CCDC30: variants seen among roughly 807,000 people sequenced by gnomAD.
CCDC30 encodes the protein coiled-coil domain-containing protein 30.
In CCDC30, 70 loss-of-function variants were observed where a neutral mutation model predicts 100.2. The observed-to-expected ratio is 0.70, with a 90% CI of 0.58 to 0.85. The LOEUF is 0.85. Among genes scored for constraint, CCDC30 ranks in the 40% least tolerant of loss-of-function variants. The pLI, the probability that CCDC30 is intolerant of heterozygous loss-of-function variation, is 0.00. For synonymous variants in CCDC30, 233 were observed against 269.5 expected (o/e 0.86, Z 1.33); for missense variants, 652 against 771.2 (o/e 0.85, Z 1.83).
At chr1:42,656,487 C>T (rs560997992), downstream of CCDC30, among the ~76,000 whole-genome samples, 25 of 152,122 alleles carry the variant, frequency 1.6e-4, no homozygotes, top group African/African-American at 5.3e-4. Flanking sequence ...AAAAATTAGC[C>T]GGGTATGGTG....
At chr1:42,542,068 T>A (rs1422526105) in intron 6 of CCDC30, among the ~76,000 whole-genome samples, 1 of 152,230 alleles carries the variant, frequency 6.6e-6, no homozygotes. Context: ...GCTTAATTCT[T>A]ATGCTACTTA....
At chr1:42,610,627 A>G (rs1646600287) in intron 10 of CCDC30, among the ~76,000 whole-genome samples, 1 of 151,992 alleles carries the variant, frequency 6.6e-6, no homozygotes, top group Admixed American at 6.6e-5. Flanking sequence ...GTTTTACCAT[A>G]TTGCCCAGCC....
chr1:42,582,264 CAAGGT>C (rs2148594129), intron 9 of CCDC30, among the ~76,000 whole-genome samples: 1 of 152,232 alleles, frequency 6.6e-6, no homozygotes, highest in Non-Finnish European at 1.5e-5. Flanking sequence ...TAAGCTCCAT[CAAGGT>C]CAAGGCACTT....
chr1:42,628,674 G>A (rs893231540), intron 11 of CCDC30, among the ~76,000 whole-genome samples: 10 of 152,052 alleles, frequency 6.6e-5, no homozygotes, highest in African/African-American at 2.4e-4. Flanking sequence ...TGCTGCTTTT[G>A]CCTCTTCCCC....
At chr1:42,541,762 G>T (rs573630808) in intron 6 of CCDC30, among the ~76,000 whole-genome samples, 2 of 152,232 alleles carry the variant, frequency 1.3e-5, no homozygotes, top group South Asian at 4.1e-4. Context: ...TTATATTCTA[G>T]TTTTTCTTCA....
intron 6 of CCDC30, 31 bp from the exon 8 acceptor site, chr1:42,539,142 A>G (rs1431771097): frequency 1.4e-6 from 2 of 1,470,412 alleles, no homozygotes; most frequent in South Asian, 1.4e-5. Flanking sequence ...GTCTTATTTT[A>G]TTCTACTAAA....
chr1:42,503,717 CTT>C (rs1557810879), intron 6 of CCDC30, among the ~76,000 whole-genome samples: 1 of 152,174 alleles, frequency 6.6e-6, no homozygotes, highest in East Asian at 1.9e-4. Flanking sequence ...ACAGGCTGCT[CTT>C]TGTTAGAGAA....
chr1:42,520,634 C>CTTTTTTTT (rs1181298704), intron 6 of CCDC30, among the ~76,000 whole-genome samples: 13 of 64,784 alleles, frequency 2.0e-4, no homozygotes, highest in East Asian at 5.4e-4. Context: ...CCGGCCTCAT[C>CTTTTTTTT]TTTTTTTTTT....
intron 11 of CCDC30, among the ~76,000 whole-genome samples, chr1:42,621,538 C>G (rs971666156): frequency 2.3e-5 from 3 of 133,238 alleles, no homozygotes; most frequent in Non-Finnish European, 3.4e-5. Context: ...TTGAGATGGA[C>G]TCTCGCTCTG....
intron 13 of CCDC30, 61 bp from the exon 18 acceptor site, chr1:42,644,632 T>C (rs1647726983): frequency 3.0e-6 from 3 of 998,892 alleles, no homozygotes; most frequent in Admixed American, 1.7e-5. Flanking sequence ...GGATGTAGTT[T>C]TGGGTTTTTA....
At chr1:42,502,258 G>GAC (rs1353412788) in intron 6 of CCDC30, among the ~76,000 whole-genome samples, 224 of 147,326 alleles carry the variant, frequency 1.5e-3, no homozygotes, top group African/African-American at 6.0e-3. Context: ...CTCCGAGCCG[G>GAC]GCGTGGGACC....
intron 11 of CCDC30, among the ~76,000 whole-genome samples, chr1:42,632,617 G>A (rs553627895): frequency 2.0e-4 from 31 of 151,390 alleles, no homozygotes; most frequent in African/African-American, 7.0e-4. Context: ...AAAATTAGCC[G>A]GGCGTGATGG....
At chr1:42,507,411 A>G (rs979850654) in intron 6 of CCDC30, among the ~76,000 whole-genome samples, 6 of 152,160 alleles carry the variant, frequency 3.9e-5, no homozygotes, top group African/African-American at 1.4e-4. Context: ...ACCCTTTTGA[A>G]TTTAGTTAAG....
intron 11 of CCDC30, among the ~76,000 whole-genome samples, chr1:42,618,991 G>T (rs1570266582): frequency 6.6e-6 from 1 of 152,084 alleles, no homozygotes; most frequent in Non-Finnish European, 1.5e-5. Context: ...GAACTTACAT[G>T]GCCTCATATA....
intron 1 of CCDC30, among the ~76,000 whole-genome samples, chr1:42,470,626 T>C (rs1430577839): frequency 6.6e-6 from 1 of 152,200 alleles, no homozygotes; most frequent in African/African-American, 2.4e-5. Flanking sequence ...TATTATTCAA[T>C]CTTAAATGAA....
At chr1:42,565,739 A>ATGTGTG (rs149539237) in intron 6 of CCDC30, among the ~76,000 whole-genome samples, 7 of 151,262 alleles carry the variant, frequency 4.6e-5, no homozygotes, top group African/African-American at 1.7e-4. Context: ...TGCAGAAGTG[A>ATGTGTG]TGTGTGTGTG....
intron 10 of CCDC30, among the ~76,000 whole-genome samples, chr1:42,604,935 T>C (rs995658659): frequency 2.0e-5 from 3 of 152,212 alleles, no homozygotes; most frequent in Non-Finnish European, 4.4e-5. Context: ...AGGGGTTCTA[T>C]TTATTTATTT....
chr1:42,523,952 T>C (rs1018837728), intron 6 of CCDC30, among the ~76,000 whole-genome samples: 1 of 152,196 alleles, frequency 6.6e-6, no homozygotes, highest in East Asian at 1.9e-4. Flanking sequence ...AGGTTTTCTA[T>C]CTCTTTACTG....
chr1:42,572,098 A>G (rs1645745098), intron 7 of CCDC30, among the ~76,000 whole-genome samples: 1 of 152,184 alleles, frequency 6.6e-6, no homozygotes, highest in South Asian at 2.1e-4. Flanking sequence ...TAGAATATGT[A>G]TTACTTCAAC....
Sources: allele counts gnomAD v4.1 joint callset (sites outside exome capture counted in the v4.1 genomes callset), GRCh38; gene constraint gnomAD v4.1.1; transcripts MANE v1.5; gene names NCBI Gene and HGNC (gene_info 2026-07-23, HGNC 2026-07-21).